PIWIL1: variants seen among roughly 807,000 people sequenced by gnomAD.
The protein encoded by PIWIL1 is piwi-like protein 1.
A neutral mutation model predicts 114.4 loss-of-function variants in PIWIL1; 73 were observed. That is an observed-to-expected ratio of 0.64 (90% CI 0.53 to 0.78). The LOEUF (loss-of-function observed/expected upper bound fraction) is 0.78, where lower values mean the gene tolerates loss of function less well. PIWIL1 is among the 30% of genes least tolerant of loss of function. The pLI, the probability that PIWIL1 is intolerant of heterozygous loss-of-function variation, is 0.00. For synonymous variants in PIWIL1, 375 were observed against 369.0 expected (o/e 1.02, Z -0.19); for missense variants, 723 against 1,063.1 (o/e 0.68, Z 4.45).
intron 14 of PIWIL1, among the ~76,000 whole-genome samples, chr12:130,358,268 A>C (rs1342027909): frequency 6.6e-6 from 1 of 152,200 alleles, no homozygotes; most frequent in Non-Finnish European, 1.5e-5. Context: ...GATGGCAGCC[A>C]CTTAATGACG....
chr12:130,375,167 A>G (rs2073857251), downstream of PIWIL1, among the ~76,000 whole-genome samples: 1 of 152,040 alleles, frequency 6.6e-6, no homozygotes, highest in Non-Finnish European at 1.5e-5. Context: ...GCTTGCTCAC[A>G]TTGTCCTGTG....
At chr12:130,403,232 C>G in the PIWIL1 span, among the ~76,000 whole-genome samples, 2 of 152,162 alleles carry the variant, frequency 1.3e-5, no homozygotes, top group Non-Finnish European at 2.9e-5. Flanking sequence ...ATAAGAAATA[C>G]TTAAATGAAC....
intron 14 of PIWIL1, among the ~76,000 whole-genome samples, chr12:130,360,308 G>A (rs949677671): frequency 7.2e-5 from 11 of 152,120 alleles, no homozygotes; most frequent in Non-Finnish European, 1.5e-4. Context: ...GAAGAATCTG[G>A]GAATATAAAT....
the PIWIL1 span, among the ~76,000 whole-genome samples, chr12:130,380,345 C>CT: frequency 1.3e-5 from 2 of 152,204 alleles, no homozygotes; most frequent in African/African-American, 4.8e-5. Context: ...CACCCCCCAA[C>CT]TTTTTTTTAC....
At chr12:130,420,946 C>A in the PIWIL1 span, 1 of 152,354 alleles carries the variant, frequency 6.6e-6, no homozygotes, top group Non-Finnish European at 1.5e-5. The surrounding 1 kb of genome is among the most constrained non-coding windows in gnomAD (Gnocchi z 4.3). Context: ...TCAGCGGCTA[C>A]ACCATCCCCA....
chr12:130,364,327 C>T (rs1008467543), intron 18 of PIWIL1, among the ~76,000 whole-genome samples: 1 of 152,126 alleles, frequency 6.6e-6, no homozygotes, highest in African/African-American at 2.4e-5. Context: ...AGCCACTGGC[C>T]ACATCTGGGG....
At position 130,369,338 on chromosome 12, in the gene PIWIL1, A is replaced by C. The variant is rs549615842; in HGVS notation, c.2322-1838A>C. The stretch of plus-strand genomic sequence containing the variant: ...TTGATTCCATGTCTTTGCTATTGTG[A>C]ATAGTGCTGCATGAACATACATGTG... On this transcript the variant is annotated intron_variant, in intron 19 of 20. Coordinates refer to ENST00000245255, the MANE Select transcript of PIWIL1 (RefSeq NM_004764.5). 5.8e-4 allele frequency among the ~76,000 whole-genome samples: 88 copies of C among 152,272 alleles called. 1 individual carries two copies. The highest frequency in any genetic ancestry group is 3.7e-3 in the Admixed American group (57 of 15,296).
At chr12:130,383,442 A>G in the PIWIL1 span, 2 of 152,220 alleles carry the variant, frequency 1.3e-5, no homozygotes, top group Non-Finnish European at 2.9e-5. Flanking sequence ...TTTGTGGTAG[A>G]ACTTGAAGTG....
At chr12:130,412,131 G>C in the PIWIL1 span, among the ~76,000 whole-genome samples, 1 of 152,078 alleles carries the variant, frequency 6.6e-6, no homozygotes, top group Non-Finnish European at 1.5e-5. Flanking sequence ...TCTCACTGGT[G>C]CTTGCAGACT....
chr12:130,400,213 G>A, the PIWIL1 span, among the ~76,000 whole-genome samples: 1 of 152,316 alleles, frequency 6.6e-6, no homozygotes, highest in East Asian at 1.9e-4. Context: ...ACCAATGATG[G>A]ACACCTTCAG....
At position 130,349,239 on chromosome 12, in the gene PIWIL1, G is replaced by A; in HGVS notation, c.735G>A (p.Arg245=). 1.2e-6 allele frequency: 2 copies of A among 1,611,100 alleles called. No homozygotes were observed. The highest frequency in any genetic ancestry group is 1.7e-6 in the Non-Finnish European group (2 of 1,177,380). Residue 245 remains arginine, a splice_region_variant and synonymous_variant, in exon 8 of 21, where the codon AGG becomes AGA. Coordinates refer to ENST00000245255, the MANE Select transcript of PIWIL1 (RefSeq NM_004764.5). ...TCATGACCCCCATCTCGTCTGACAGGTTGGTGATTTGGCCTGGCTTCACTA... is the reference window on the plus strand; with the variant it reads ...TCATGACCCCCATCTCGTCTGACAGATTGGTGATTTGGCCTGGCTTCACTA... ...PNDPIDIPSH[R]LVIWPGFTTS... is the part of the protein sequence containing the mutation.
chr12:130,392,822 T>C, the PIWIL1 span, among the ~76,000 whole-genome samples: 1 of 94,554 alleles, frequency 1.1e-5, no homozygotes, highest in Non-Finnish European at 2.4e-5. Flanking sequence ...CTGGTGAGTA[T>C]TGAATGTTGT....
At chr12:130,353,539 C>T (rs1422761019) in intron 9 of PIWIL1, among the ~76,000 whole-genome samples, 1 of 152,052 alleles carries the variant, frequency 6.6e-6, no homozygotes, top group Non-Finnish European at 1.5e-5. Flanking sequence ...AGAGCCAGAA[C>T]CTGTACTGAA....
downstream of PIWIL1, among the ~76,000 whole-genome samples, chr12:130,373,983 G>A (rs1332825045): frequency 6.6e-6 from 1 of 152,132 alleles, no homozygotes; most frequent in Non-Finnish European, 1.5e-5. Flanking sequence ...CTGACCTCAG[G>A]CTGTCCCTTC....
chr12:130,356,952 A>G lies in PIWIL1; in HGVS notation c.1439A>G (p.Lys480Arg), dbSNP rs2136165103. The stretch of plus-strand genomic sequence containing the variant: ...AATCCACAATTTGCAGATTGGTCCA[A>G]AGAAACAAGAGGTGCACCATTAATT... ...DYNPQFADWSKETRGAPLISV... is the reference protein window; with the variant it reads ...DYNPQFADWSRETRGAPLISV... Residue 480 changes from lysine to arginine, a missense_variant, in exon 13 of 21, where the codon AAA becomes AGA. Lys to Arg is a conservative substitution (Grantham distance 26). Around this residue, in one of 8 missense-constraint regions of PIWIL1, gnomAD observed 298 missense variants for 420.8 expected, o/e 0.71. Transcript: ENST00000245255. The G allele has an allele frequency of 6.2e-7, 1 of 1,611,818 alleles. No homozygotes were observed. Among genetic ancestry groups the G allele is most frequent in the Non-Finnish European group, 8.5e-7 (1 of 1,178,580 alleles).
chr12:130,340,760 G>A (rs1036781114), intron 1 of PIWIL1, among the ~76,000 whole-genome samples: 2 of 151,982 alleles, frequency 1.3e-5, no homozygotes, highest in East Asian at 1.9e-4. Context: ...TGTGTAAGCC[G>A]AGCATGCATA....
At chr12:130,340,649 G>T (rs1054801949) in intron 1 of PIWIL1, among the ~76,000 whole-genome samples, 1 of 110,960 alleles carries the variant, frequency 9.0e-6, no homozygotes, top group Non-Finnish European at 2.1e-5. Flanking sequence ...GGGGGGGTGG[G>T]GGGAGGGGGG....
At chr12:130,414,319 G>A in the PIWIL1 span, 18 of 1,569,448 alleles carry the variant, frequency 1.1e-5, no homozygotes, top group Middle Eastern at 1.7e-4. Flanking sequence ...GCGAGCAAGT[G>A]GGGGTGAAGA....
chr12:130,347,585 T>G (rs2136137716), intron 6 of PIWIL1, among the ~76,000 whole-genome samples: 1 of 152,348 alleles, frequency 6.6e-6, no homozygotes, highest in East Asian at 1.9e-4. Context: ...TATCTGTAAT[T>G]TCCCTCTTTA....
Sources: gnomAD v4.1 joint callset for allele counts (sites outside exome capture counted in the v4.1 genomes callset) on GRCh38, gnomAD v4.1.1 for gene constraint, gnomAD v4.1.1 regional missense constraint, Gnocchi (gnomAD v3.1) non-coding constraint, MANE v1.5 for transcripts, NCBI Gene and HGNC (gene_info 2026-07-23, HGNC 2026-07-21) for gene names.